The following BRD3 variants were observed in gnomAD, a reference collection of about 807,000 sequenced individuals.
BRD3 encodes bromodomain containing 3, also known as bromodomain-containing protein 3.
A neutral mutation model predicts 66.8 loss-of-function variants in BRD3; 17 were observed. The observed-to-expected ratio is 0.25, with a 90% CI of 0.17 to 0.38. The LOEUF (loss-of-function observed/expected upper bound fraction) is 0.38. Ranked by LOEUF, BRD3 falls within the 10% of genes least tolerant of loss-of-function variation. BRD3 has a pLI of 1.00. For missense variants in BRD3, 713 were observed against 956.1 expected (o/e 0.75, Z 3.35); for synonymous variants, 421 against 393.2 (o/e 1.07, Z -0.84).
chr9:134,039,382 C>T (rs1829991978), intron 9 of BRD3, among the ~76,000 whole-genome samples: 1 of 152,194 alleles, frequency 6.6e-6, no homozygotes, highest in Non-Finnish European at 1.5e-5. Flanking sequence ...TGCCCTCATT[C>T]CCAAAAGGAA....
intron 1 of BRD3, among the ~76,000 whole-genome samples, chr9:134,060,302 CAAGA>C (rs1830509766): frequency 6.6e-6 from 1 of 152,186 alleles, no homozygotes; most frequent in Non-Finnish European, 1.5e-5. Context: ...GTGAAATCCT[CAAGA>C]AAGACCCAGG....
Position 134,050,449 on chromosome 9 carries a change from G to A in BRD3, c.639C>T (p.Val213=), listed in dbSNP as rs201357544. The change falls in exon 5 of 12, where the codon GTC becomes GTT. Residue 213 remains valine (V), a synonymous_variant. Transcript: ENST00000303407. ...TITANVTSVP[V]PPAAAPPPPA... is the part of the protein sequence containing the mutation. The stretch of plus-strand genomic sequence containing the variant: ...GAGGAGGTGGGGCGGCAGCTGGGGG[G>A]ACTGGGACCGACGTGACGTTTGCAG... 89 of 1,612,230 alleles carry A rather than the reference G, an allele frequency of 5.5e-5. 1 individual carries two copies. The highest frequency in any genetic ancestry group is 3.4e-4 in the Middle Eastern group (2 of 5,956).
chr9:134,047,237 A>G (rs532224273), intron 6 of BRD3, among the ~76,000 whole-genome samples: 2 of 152,374 alleles, frequency 1.3e-5, no homozygotes, highest in East Asian at 1.9e-4. Context: ...CTGGCTTCCC[A>G]GGATGAAAAC....
chr9:134,051,896 T>TG (rs1004656786), intron 3 of BRD3, among the ~76,000 whole-genome samples, 187 bp from the exon 4 acceptor site: 7 of 114,198 alleles, frequency 6.1e-5, no homozygotes, highest in African/African-American at 8.2e-5. Context: ...TTTGTTTTTT[T>TG]TTTTTTTTTT....
In BRD3 at chr9:134,051,647, G is replaced by A. The variant is rs1427242182; in HGVS notation, c.414C>T (p.Ala138=). The change falls in exon 4 of 12, where the codon GCC becomes GCT. Residue 138 remains alanine (A), a synonymous_variant. Transcript: ENST00000303407. ...ALEKIFLQKV[A]QMPQEEVELL... ...ATTCAACTTCCTCTTGGGGCATCTG[G>A]GCCACTTTTTGTAGAAAAATTTTCT... The A allele has an allele frequency of 6.3e-7, 1 of 1,590,016 alleles. No individual in the cohort carries two copies. Among genetic ancestry groups the A allele is most frequent in the East Asian group, 2.3e-5 (1 of 43,154 alleles).
rs753307357 is a variant in BRD3 at position 134,040,189 on chromosome 9, C to G, written c.1488G>C (p.Glu496Asp). The change falls in exon 9 of 12, where the codon GAG becomes GAC. Residue 496 changes from glutamate to aspartate, a missense_variant. Glu to Asp is a conservative substitution (Grantham distance 45). Coordinates refer to ENST00000303407, the MANE Select transcript of BRD3 (RefSeq NM_007371.4). ...NKPKKKKEKKEKEKKKKDKEK... is the reference protein window; with the variant it reads ...NKPKKKKEKKDKEKKKKDKEK... ...CCTTGTCCTTCTTCTTCTTCTCCTT[C>G]TCCTTCTTCTCCTTCTTCTTCTTTG... 2.5e-5 allele frequency: 39 copies of G among 1,568,636 alleles called. No homozygotes were observed. In the East Asian group the frequency reaches 8.2e-4, roughly 33 times the overall value.
At chr9:134,061,482 AGACAGGAGCACTG>A (rs991397480) in intron 1 of BRD3, among the ~76,000 whole-genome samples, 8 of 152,162 alleles carry the variant, frequency 5.3e-5, no homozygotes, top group African/African-American at 1.9e-4. Flanking sequence ...AAAGGGTGGG[AGACAGGAGCACTG>A]GAACCAAGGG....
chr9:134,032,972 G>A lies in BRD3; in HGVS notation c.*618C>T, dbSNP rs1843536908. The A allele has an allele frequency of 1.3e-5, 5 of 388,346 alleles. No homozygotes were observed. Among genetic ancestry groups the A allele is most frequent in the African/African-American group, 2.1e-5 (1 of 47,868 alleles). 24.1% of individuals were successfully genotyped at this position (388,346 alleles called of 1,614,324 possible). On this transcript the variant is annotated 3_prime_UTR_variant, in exon 12 of 12. Coordinates refer to ENST00000303407, the MANE Select transcript of BRD3 (RefSeq NM_007371.4). ...TCCGAGGAGCTCCTGACATCACCAC[G>A]AGCGGAGAACGCACATCCCACCCGA...
At chr9:134,037,885 C>A (rs1829959267) in intron 9 of BRD3, among the ~76,000 whole-genome samples, 1 of 152,094 alleles carries the variant, frequency 6.6e-6, no homozygotes, top group Non-Finnish European at 1.5e-5. Context: ...AAATACTAAC[C>A]AATAGACTTA....
chr9:134,064,113 G>C (rs1019688913), intron 1 of BRD3, among the ~76,000 whole-genome samples: 5 of 152,232 alleles, frequency 3.3e-5, no homozygotes, highest in African/African-American at 1.2e-4. Context: ...ACACAACAGG[G>C]TCCGAGCCTC....
chr9:134,046,786 A>G (rs1417556370), intron 6 of BRD3, among the ~76,000 whole-genome samples: 2 of 152,218 alleles, frequency 1.3e-5, no homozygotes, highest in African/African-American at 2.4e-5. Context: ...CAGGACAGAT[A>G]GAGGTGGGAA....
chr9:134,048,263 T>G lies in BRD3; in HGVS notation c.906A>C (p.Ala302=). The change falls in exon 6 of 12, where the codon GCA becomes GCC. Residue 302 remains alanine (A), a synonymous_variant. Transcript: ENST00000303407. ...DLEDGEVPQH[A]GKKGKLSEHL... The stretch of plus-strand genomic sequence containing the variant: ...GCTCCGACAGCTTGCCCTTCTTGCC[T>G]GCGTGCTGGGGCACCTCGCCGTCCT... 6.2e-7 allele frequency: 1 copy of G among 1,610,422 alleles called. No individual in the cohort carries two copies. Among genetic ancestry groups the G allele is most frequent in the African/African-American group, 1.3e-5 (1 of 75,036 alleles).
At position 134,051,898 on chromosome 9, in the gene BRD3, T is replaced by G. The variant is rs552215681; in HGVS notation, c.352-189A>C. Among the ~76,000 whole-genome samples the G allele has an allele frequency of 2.2e-4, 32 of 143,068 alleles. 2 individuals carry two copies. Among genetic ancestry groups the G allele is most frequent in the Admixed American group, 8.2e-4 (12 of 14,632 alleles). The allele number at this position is 143,068 out of a possible 152,430, so 93.9% of individuals were successfully genotyped here. A position where few individuals can be genotyped will look rare whatever the true frequency, so the allele number is the denominator to read the frequency against. On this transcript the variant is annotated intron_variant, in intron 3 of 11. Transcript: ENST00000303407. Reference sequence around the variant, plus strand: ...GTGTGTTGTTTTTTTTGTTTTTTTTTTTTTTTTTTTGAGATGGAGTCTTGC... The same window carrying G: ...GTGTGTTGTTTTTTTTGTTTTTTTTGTTTTTTTTTTGAGATGGAGTCTTGC...
chr9:134,041,679 T>G, intron 8 of BRD3, 81 bp downstream of exon 8: 1 of 1,503,788 alleles, frequency 6.6e-7, no homozygotes, highest in Non-Finnish European at 8.9e-7. Flanking sequence ...GAAGGAACCA[T>G]GCAAAGGGAC....
intron 1 of BRD3, among the ~76,000 whole-genome samples, chr9:134,063,052 C>G (rs1198950797): frequency 6.6e-6 from 1 of 152,216 alleles, no homozygotes; most frequent in Non-Finnish European, 1.5e-5. Context: ...ACCCCGGCCC[C>G]AGGAGACAGG....
Position 134,036,135 on chromosome 9 carries a change from G to A in BRD3, c.1833C>T (p.Pro611=), listed in dbSNP as rs369709520. ...TCTCAAAGTCAATTTCTATCTCGTC[G>A]GGGTTGGAGTCCCTGAGCGAGGGCT... ...SREPSLRDSN[P]DEIEIDFETL... is the part of the protein sequence containing the mutation. The change falls in exon 10 of 12, where the codon CCC becomes CCT. Residue 611 remains proline, a synonymous_variant. Transcript: ENST00000303407. The A allele has an allele frequency of 1.7e-5, 27 of 1,614,068 alleles. No homozygotes were observed. The highest frequency in any genetic ancestry group is 5.3e-5 in the African/African-American group (4 of 74,910).
chr9:134,051,818 GGCA>G (rs1287016788), intron 3 of BRD3, 109 bp from the exon 4 acceptor site: 3 of 1,221,072 alleles, frequency 2.5e-6, no homozygotes, highest in Non-Finnish European at 3.3e-6. Context: ...TAACAGATTT[GGCA>G]GCGCAGGAGA....
intron 10 of BRD3, among the ~76,000 whole-genome samples, chr9:134,035,476 G>A (rs957437000): frequency 3.3e-5 from 5 of 152,178 alleles, no homozygotes; most frequent in Non-Finnish European, 7.4e-5. Flanking sequence ...GCAGACCCCA[G>A]CAGTGACTCG....
At chr9:134,036,540 T>C in intron 9 of BRD3, 8 of 1,609,416 alleles carry the variant, frequency 5.0e-6, no homozygotes, top group Non-Finnish European at 5.9e-6. Flanking sequence ...AGAGGTTCGT[T>C]CCTCTCTACA....
Sources: gnomAD v4.1 joint callset for allele counts (sites outside exome capture counted in the v4.1 genomes callset) on GRCh38, gnomAD v4.1.1 for gene constraint, MANE v1.5 for transcripts, NCBI Gene and HGNC (gene_info 2026-07-23, HGNC 2026-07-21) for gene names.